The following GSN variants were observed in gnomAD, a reference collection of about 807,000 sequenced individuals.
GSN encodes the protein gelsolin.
Under a neutral mutation model 85.7 loss-of-function variants are expected in GSN, and 56 were observed. The ratio of observed to expected loss-of-function variants is 0.65; its 90% CI spans 0.53 to 0.82. The LOEUF is 0.82. Ranked by LOEUF, GSN falls within the 40% of genes least tolerant of loss-of-function variation. The probability of loss-of-function intolerance (pLI) is 0.00; values close to 1 mark genes in which losing one functional copy is unlikely to be tolerated. For missense variants in GSN, 857 were observed against 979.8 expected, an observed-to-expected ratio of 0.87 and a Z score of 1.67; for synonymous variants, 373 against 399.1, an observed-to-expected ratio of 0.93 and a Z score of 0.78.
chr9:121,271,810 G>T (rs1189816531), intron 1 of GSN, among the ~76,000 whole-genome samples: 1 of 152,168 alleles, frequency 6.6e-6, no homozygotes, highest in Non-Finnish European at 1.5e-5. Context: ...TCCATTTCAG[G>T]GAATCCAGGC....
At chr9:121,204,768 T>C (rs2132049441), upstream of GSN, among the ~76,000 whole-genome samples, 1 of 152,348 alleles carries the variant, frequency 6.6e-6, no homozygotes, top group South Asian at 2.1e-4. Flanking sequence ...AGTACATCTA[T>C]ATTGTGAAAT....
At chr9:121,313,708 G>T in intron 6 of GSN, 1 of 601,694 alleles carries the variant, frequency 1.7e-6, no homozygotes, top group Non-Finnish European at 3.0e-6. Flanking sequence ...CAGAGGAGCA[G>T]GAGTGTTCTC....
intron 1 of GSN, among the ~76,000 whole-genome samples, chr9:121,273,917 T>C (rs2056335029): frequency 6.6e-6 from 1 of 152,128 alleles, no homozygotes. Flanking sequence ...AGACTGGGGC[T>C]CCCCAGGGCT....
intron 5 of GSN, chr9:121,238,776 C>G: frequency 4.0e-6 from 2 of 504,746 alleles, no homozygotes; most frequent in Non-Finnish European, 8.1e-6. Context: ...AATAAAGTTC[C>G]TCTCAAACTT....
chr9:121,223,153 G>A (rs1038103832), intron 4 of GSN: 1 of 152,126 alleles, frequency 6.6e-6, no homozygotes, highest in African/African-American at 2.4e-5. Context: ...GAGCCCACTT[G>A]CCCAATTCCT....
At chr9:121,282,615 C>A in intron 2 of GSN, 1 of 844,296 alleles carries the variant, frequency 1.2e-6, no homozygotes, top group Non-Finnish European at 1.6e-6. Flanking sequence ...CCCAAAAGGT[C>A]TGCCGGGCCC....
intron 6 of GSN, among the ~76,000 whole-genome samples, chr9:121,256,144 C>G (rs1255292633): frequency 6.6e-6 from 1 of 152,110 alleles, no homozygotes; most frequent in Non-Finnish European, 1.5e-5. Context: ...AAATCAAGAG[C>G]TCACCAAGTA....
At chr9:121,250,397 G>T (rs1314611603) in intron 6 of GSN, among the ~76,000 whole-genome samples, 1 of 151,982 alleles carries the variant, frequency 6.6e-6, no homozygotes, top group Non-Finnish European at 1.5e-5. Flanking sequence ...GTAGAGACGG[G>T]GTTTCACCAT....
At chr9:121,227,138 A>G (rs1389150407) in intron 4 of GSN, among the ~76,000 whole-genome samples, 1 of 152,188 alleles carries the variant, frequency 6.6e-6, no homozygotes, top group Non-Finnish European at 1.5e-5. Context: ...TCACACTCGT[A>G]ATCCTAGCAC....
chr9:121,317,353 G>A, intron 8 of GSN, 135 bp downstream of exon 8: 1 of 1,015,856 alleles, frequency 9.8e-7, no homozygotes, highest in East Asian at 2.4e-5. Context: ...TTGGGCTGAG[G>A]CCTTGGTTTT....
intron 6 of GSN, among the ~76,000 whole-genome samples, chr9:121,251,187 C>CTTTTTTTTTTTCTTTTT (rs2054825701): frequency 1.4e-5 from 1 of 73,044 alleles, no homozygotes; most frequent in African/African-American, 6.5e-5. Context: ...CTGATGTGTT[C>CTTTTTTTTTTTCTTTTT]TTTTTTTTTT....
chr9:121,215,079 C>T (rs1167404316), intron 4 of GSN, among the ~76,000 whole-genome samples: 1 of 152,140 alleles, frequency 6.6e-6, no homozygotes. Flanking sequence ...CTGGTGGTAG[C>T]CGGCAATCCT....
chr9:121,298,505 C>T (rs2059429913), intron 2 of GSN, among the ~76,000 whole-genome samples: 2 of 152,156 alleles, frequency 1.3e-5, no homozygotes, highest in African/African-American at 4.8e-5. Context: ...TCCGGAAGAG[C>T]TGGGAAGGGG....
intron 5 of GSN, among the ~76,000 whole-genome samples, chr9:121,236,452 A>T (rs2054494888): frequency 6.6e-6 from 1 of 152,084 alleles, no homozygotes; most frequent in Admixed American, 6.6e-5. Context: ...TGACCTCGTG[A>T]TCTGCCCGCC....
chr9:121,288,459 C>T (rs983860846), intron 2 of GSN, among the ~76,000 whole-genome samples: 2 of 152,182 alleles, frequency 1.3e-5, no homozygotes, highest in South Asian at 2.1e-4. Context: ...TGCCCAGGTA[C>T]GGTTGGCACA....
chr9:121,294,733 G>C (rs1041405815), intron 2 of GSN, among the ~76,000 whole-genome samples: 3 of 152,190 alleles, frequency 2.0e-5, no homozygotes, highest in Non-Finnish European at 2.9e-5. Flanking sequence ...CCTCAGTTCT[G>C]GCCTGGTTGT....
chr9:121,219,608 G>A (rs1420744746), intron 4 of GSN, among the ~76,000 whole-genome samples: 4 of 152,096 alleles, frequency 2.6e-5, no homozygotes, highest in South Asian at 2.1e-4. Context: ...CCAACATGGC[G>A]CTGGATTTGA....
At chr9:121,226,056 G>A (rs1001597802) in intron 4 of GSN, among the ~76,000 whole-genome samples, 23 of 152,106 alleles carry the variant, frequency 1.5e-4, no homozygotes, top group Non-Finnish European at 2.6e-4. Flanking sequence ...CCCCCACCTC[G>A]GTCTCCCAAA....
At chr9:121,241,960 C>A (rs1010107986) in intron 5 of GSN, among the ~76,000 whole-genome samples, 3 of 152,198 alleles carry the variant, frequency 2.0e-5, no homozygotes, top group Admixed American at 2.0e-4. Flanking sequence ...ACAGCATGAA[C>A]TTTGGGTCTC....
Sources: allele counts gnomAD v4.1 joint callset (sites outside exome capture counted in the v4.1 genomes callset), GRCh38; gene constraint gnomAD v4.1.1; transcripts MANE v1.5; gene names NCBI Gene and HGNC (gene_info 2026-07-23, HGNC 2026-07-21).